ROBO3: variants seen among roughly 807,000 people sequenced by gnomAD.
The protein encoded by ROBO3 is roundabout homolog 3.
ROBO3 carries 97 observed loss-of-function variants against 160.5 expected under a neutral mutation model. The ratio of observed to expected loss-of-function variants is 0.60; its 90% CI spans 0.51 to 0.72. The LOEUF is 0.72. ROBO3 is among the 30% of genes least tolerant of loss of function. The pLI, the probability that ROBO3 is intolerant of heterozygous loss-of-function variation, is 0.00. For missense variants in ROBO3, 1,858 were observed against 1,846.5 expected (o/e 1.01, Z -0.11); for synonymous variants, 780 against 746.2 (o/e 1.05, Z -0.74).
intron 20 of ROBO3, 68 bp downstream of exon 20, chr11:124,877,726 G>A: frequency 6.4e-7 from 1 of 1,573,362 alleles, no homozygotes; most frequent in Non-Finnish European, 8.6e-7. Context: ...CAAACCGAAG[G>A]GCGCCCGGGA....
chr11:124,870,206 C>A lies in ROBO3; in HGVS notation c.808C>A (p.Leu270Met). ...GCGCAGACCAGTGAATCAGGTGGTC[C>A]TGGCTGATGCCCCTGTGACTTTCCT... ...FLRRPVNQVVLADAPVTFLCE... is the reference protein window; with the variant it reads ...FLRRPVNQVVMADAPVTFLCE... The change falls in exon 5 of 28, where the codon CTG becomes ATG. Residue 270 changes from leucine to methionine, a missense_variant. Coordinates refer to ENST00000397801, the MANE Select transcript of ROBO3 (RefSeq NM_022370.4). 1 of 1,614,058 alleles carries A rather than the reference C, an allele frequency of 6.2e-7. No homozygotes were observed. Among genetic ancestry groups the A allele is most frequent in the Non-Finnish European group, 8.5e-7 (1 of 1,179,902 alleles).
At position 124,881,267 on chromosome 11, in the gene ROBO3, G is replaced by C. The variant is rs779579137; in HGVS notation, c.*17G>C. The C allele has an allele frequency of 6.2e-7, 1 of 1,601,064 alleles. No individual in the cohort carries two copies. Among genetic ancestry groups the C allele is most frequent in the South Asian group, 1.1e-5 (1 of 88,236 alleles). Reference sequence around the variant, plus strand: ...CCAAGATGACCCTTGTTGGGGCATTGAGAATATCATGAGTGCCACGGGGAA... The same window carrying C: ...CCAAGATGACCCTTGTTGGGGCATTCAGAATATCATGAGTGCCACGGGGAA... On this transcript the variant is annotated 3_prime_UTR_variant, in exon 28 of 28. Transcript: ENST00000397801.
chr11:124,879,902 G>T lies in ROBO3; in HGVS notation c.3912G>T (p.Ala1304=). ...LERERSGERK[A]VQAVPLAAQR... is the part of the protein sequence containing the mutation. Reference sequence around the variant, plus strand: ...GGGAGCGCAGTGGGGAGAGGAAAGCGGTCCAGGCCGTGCCCCTGGCAGCCC... The same window carrying T: ...GGGAGCGCAGTGGGGAGAGGAAAGCTGTCCAGGCCGTGCCCCTGGCAGCCC... The change falls in exon 26 of 28, where the codon GCG becomes GCT. Residue 1304 remains alanine (A), a synonymous_variant. Coordinates refer to ENST00000397801, the MANE Select transcript of ROBO3 (RefSeq NM_022370.4). The T allele has an allele frequency of 1.9e-6, 3 of 1,607,494 alleles. No individual in the cohort carries two copies. Among genetic ancestry groups the T allele is most frequent in the Non-Finnish European group, 2.5e-6 (3 of 1,177,446 alleles).
Position 124,869,656 on chromosome 11 carries a change from G to T in ROBO3, c.645+49G>T. On this transcript the variant is annotated intron_variant, in intron 3 of 27. Transcript: ENST00000397801. This position sits in a 1 kb window ranked among gnomAD's most constrained non-coding sequence, Gnocchi z 4.2. Reference sequence around the variant, plus strand: ...GACCCCAACAAGGGAGGGGACATAGGGTAGGGAGGTGACAAGGCTGGAGAT... The same window carrying T: ...GACCCCAACAAGGGAGGGGACATAGTGTAGGGAGGTGACAAGGCTGGAGAT... 1.3e-6 allele frequency: 2 copies of T among 1,504,298 alleles called. No individual in the cohort carries two copies. Among genetic ancestry groups the T allele is most frequent in the South Asian group, 1.3e-5 (1 of 75,048 alleles). 93.2% of individuals were successfully genotyped at this position (1,504,298 alleles called of 1,614,324 possible). A position where few individuals can be genotyped will look rare whatever the true frequency, so the allele number is the denominator to read the frequency against.
chr11:124,872,581 C>T lies in ROBO3; in HGVS notation c.1330+29C>T, dbSNP rs148322323. The T allele has an allele frequency of 6.3e-7, 1 of 1,597,650 alleles. No individual in the cohort carries two copies. Among genetic ancestry groups the T allele is most frequent in the African/African-American group, 1.3e-5 (1 of 74,630 alleles). On this transcript the variant is annotated intron_variant, in intron 8 of 27. Transcript: ENST00000397801. This position sits in a 1 kb window ranked among gnomAD's most constrained non-coding sequence, Gnocchi z 4.3. ...CGTGCCCATGGAGATAGGACTGGAT[C>T]CATGGCTTGGGAGGAAATAATGGCC... is the stretch of plus-strand genomic sequence containing the variant.
In ROBO3 at chr11:124,877,616, T is replaced by C. The variant is rs1461316489; in HGVS notation, c.2944T>C (p.Cys982Arg). 1 of 1,610,382 alleles carries C rather than the reference T, an allele frequency of 6.2e-7. No individual in the cohort carries two copies. Residue 982 changes from cysteine to arginine, a missense_variant, in exon 20 of 28, where the codon TGC becomes CGC. Coordinates refer to ENST00000397801, the MANE Select transcript of ROBO3 (RefSeq NM_022370.4). The stretch of plus-strand genomic sequence containing the variant: ...CTCGGCCCAGGAACCCAGGGGAAGC[T>C]GCTGCCCTAGCAATCCTGACCCGGA... The part of the protein sequence containing the change: ...SPSAQEPRGS[C>R]CPSNPDPDDR...
intron 27 of ROBO3, 123 bp downstream of exon 27, chr11:124,880,731 A>G (rs2135351963): frequency 7.5e-7 from 1 of 1,327,910 alleles, no homozygotes; most frequent in Non-Finnish European, 1.0e-6. Context: ...GGGGATCGAG[A>G]GGGTGAGGGG....
rs761311616 is a variant in ROBO3, at chr11:124,878,448, C to T, written c.3320+12C>T. On this transcript the variant is annotated intron_variant, in intron 22 of 27. Coordinates refer to ENST00000397801, the MANE Select transcript of ROBO3 (RefSeq NM_022370.4). The surrounding 1 kb of genome is among the most constrained non-coding windows in gnomAD (Gnocchi z 4.3). ...GAGCTGGAGGGCAGGTAGAGATGCT[C>T]CCTGCTTCCAGGCCCACACACCTGC... is the stretch of plus-strand genomic sequence containing the variant. 8.1e-6 allele frequency: 13 copies of T among 1,610,916 alleles called. No homozygotes were observed. The Admixed American group carries it at 1.3e-4, about 17-fold the overall frequency.
At position 124,877,941 on chromosome 11, in the gene ROBO3, G is replaced by T. The variant is rs7933204; in HGVS notation, c.2991G>T (p.Ala997=). The T allele has an allele frequency of 1.3e-5, 20 of 1,597,168 alleles. No homozygotes were observed. Among genetic ancestry groups the T allele is most frequent in the Admixed American group, 1.7e-5 (1 of 58,196 alleles). Residue 997 remains alanine, a synonymous_variant, in exon 21 of 28, where the codon GCG becomes GCT. Coordinates refer to ENST00000397801, the MANE Select transcript of ROBO3 (RefSeq NM_022370.4). ...CTCCCTCTTTCTTCTCTGCAGAAGC[G>T]GGAATCTCCCTGTATCTAGCTCAGA... ...PDPDDRYYNE[A]GISLYLAQTA...
chr11:124,876,357 C>T lies in ROBO3; in HGVS notation c.2676C>T (p.Ala892=). The T allele has an allele frequency of 1.4e-6, 2 of 1,433,950 alleles. No homozygotes were observed. The highest frequency in any genetic ancestry group is 9.1e-7 in the Non-Finnish European group (1 of 1,102,316). 88.8% of individuals were successfully genotyped at this position (1,433,950 alleles called of 1,614,324 possible). The change falls in exon 17 of 28, where the codon GCC becomes GCT. Residue 892 remains alanine (A), a synonymous_variant. Coordinates refer to ENST00000397801, the MANE Select transcript of ROBO3 (RefSeq NM_022370.4). This position sits in a 1 kb window ranked among gnomAD's most constrained non-coding sequence, Gnocchi z 5.3. The part of the protein sequence containing the change: ...VRLARVLREP[A]FLAGSGAACG... ...TGGCGAGGGTGCTGCGGGAGCCCGC[C>T]TTCCTCGCGGGCAGCGGCGCAGCCT...
At chr11:124,874,408 C>A (rs1019198305) in intron 12 of ROBO3, among the ~76,000 whole-genome samples, 172 bp downstream of exon 12, 4 of 151,962 alleles carry the variant, frequency 2.6e-5, no homozygotes, top group South Asian at 2.1e-4. Flanking sequence ...ACAGAAGAGA[C>A]AAGGGAGGAG....
Position 124,869,544 on chromosome 11 carries a change from G to T in ROBO3, c.582G>T (p.Pro194=). 1 of 1,530,770 alleles carries T rather than the reference G, an allele frequency of 6.5e-7. No homozygotes were observed. Among genetic ancestry groups the T allele is most frequent in the Non-Finnish European group, 8.8e-7 (1 of 1,131,486 alleles). 94.8% of individuals were successfully genotyped at this position (1,530,770 alleles called of 1,614,324 possible). A position where few individuals can be genotyped will look rare whatever the true frequency, so the allele number is the denominator to read the frequency against. ...VLECVPPRGH[P]EPSVSWRKDG... ...AATGCGTGCCCCCCCGCGGCCACCC[G>T]GAGCCTTCCGTGTCCTGGAGGAAGG... Residue 194 remains proline, a synonymous_variant, in exon 3 of 28, where the codon CCG becomes CCT. Coordinates refer to ENST00000397801, the MANE Select transcript of ROBO3 (RefSeq NM_022370.4). This position sits in a 1 kb window ranked among gnomAD's most constrained non-coding sequence, Gnocchi z 4.2.
chr11:124,877,976 G>A lies in ROBO3; in HGVS notation c.3026G>A (p.Gly1009Asp), dbSNP rs751157442. The A allele has an allele frequency of 3.6e-5, 58 of 1,610,028 alleles. No individual in the cohort carries two copies. The highest frequency in any genetic ancestry group is 4.5e-5 in the Non-Finnish European group (53 of 1,178,286). The change falls in exon 21 of 28, where the codon GGC (glycine) becomes GAC (aspartate). Residue 1009 changes from glycine to aspartate, a missense_variant. Transcript: ENST00000397801. The stretch of plus-strand genomic sequence containing the variant: ...CTGTATCTAGCTCAGACGGCCAGGG[G>A]CACGGCCGCCCCTGGCGAGGGTCCT... ...ISLYLAQTAR[G>D]TAAPGEGPVY...
At position 124,869,524 on chromosome 11, in the gene ROBO3, G is replaced by A. The variant is rs757875264; in HGVS notation, c.562G>A (p.Val188Met). 2 of 1,559,794 alleles carry A rather than the reference G, an allele frequency of 1.3e-6. No individual in the cohort carries two copies. Among genetic ancestry groups the A allele is most frequent in the South Asian group, 1.2e-5 (1 of 84,538 alleles). ...AVGEPAVLEC[V>M]PPRGHPEPSV... Reference sequence around the variant, plus strand: ...GGGGGAGCCAGCAGTACTGGAATGCGTGCCCCCCCGCGGCCACCCGGAGCC... The same window carrying A: ...GGGGGAGCCAGCAGTACTGGAATGCATGCCCCCCCGCGGCCACCCGGAGCC... The change falls in exon 3 of 28, where the codon GTG becomes ATG. Residue 188 changes from valine to methionine, a missense_variant. Val to Met is a conservative substitution (Grantham distance 21, BLOSUM62 1). Transcript: ENST00000397801. This position sits in a 1 kb window ranked among gnomAD's most constrained non-coding sequence, Gnocchi z 4.2.
intron 1 of ROBO3, chr11:124,868,518 C>T (rs1946233259): frequency 1.7e-6 from 1 of 600,804 alleles, no homozygotes; most frequent in Non-Finnish European, 3.0e-6. Context: ...GGAGAGGAGA[C>T]GGAGGTCTCT....
rs1946445740 is a variant in ROBO3, at chr11:124,878,009, G to T, written c.3059G>T (p.Ser1020Ile). ...GCCCCTGGCGAGGGTCCTGTCTATA[G>T]CACCATTGACCCAGCGGGGGAGGAG... ...TAAPGEGPVYSTIDPAGEELQ... is the reference protein window; with the variant it reads ...TAAPGEGPVYITIDPAGEELQ... The change falls in exon 21 of 28, where the codon AGC becomes ATC. Residue 1020 changes from serine to isoleucine, a missense_variant. Physicochemically the swap from Ser to Ile is moderately radical, Grantham distance 142. Coordinates refer to ENST00000397801, the MANE Select transcript of ROBO3 (RefSeq NM_022370.4). This position sits in a 1 kb window ranked among gnomAD's most constrained non-coding sequence, Gnocchi z 4.3. 6.2e-7 allele frequency: 1 copy of T among 1,612,292 alleles called. No individual in the cohort carries two copies. Among genetic ancestry groups the T allele is most frequent in the Non-Finnish European group, 8.5e-7 (1 of 1,179,226 alleles).
In ROBO3 at chr11:124,875,564, C is replaced by T. The variant is rs199533976; in HGVS notation, c.2300C>T (p.Ala767Val). The change falls in exon 15 of 28, where the codon GCC becomes GTC. Residue 767 changes from alanine to valine, a missense_variant and splice_region_variant. By Grantham distance (64) the Ala-to-Val change is moderately conservative (BLOSUM62 0). Transcript: ENST00000397801. Reference protein sequence around the residue: ...LSVTRSIPEEAPSGPPQGVAV... With the variant: ...LSVTRSIPEEVPSGPPQGVAV... ...CTCACCATGCTCCACCCTGGCCCAG[C>T]CCCCAGTGGCCCCCCACAGGGAGTG... The T allele has an allele frequency of 1.5e-5, 24 of 1,611,288 alleles. No homozygotes were observed. The East Asian group carries it at 4.9e-4, about 33-fold the overall frequency.
Position 124,865,610 on chromosome 11 carries a change from G to C in ROBO3, c.33G>C (p.Gln11His), listed in dbSNP as rs771260176. The C allele has an allele frequency of 6.2e-6, 10 of 1,612,864 alleles. No individual in the cohort carries two copies. In the South Asian group the frequency reaches 1.1e-4, roughly 18 times the overall value. The change falls in exon 1 of 28, where the codon CAG (glutamine) becomes CAC (histidine). Residue 11 changes from glutamine to histidine, a missense_variant. Transcript: ENST00000397801. This position sits in a 1 kb window ranked among gnomAD's most constrained non-coding sequence, Gnocchi z 5.5. The stretch of plus-strand genomic sequence containing the variant: ...GCTACCTGCTGAAAACGCTGCTGCA[G>C]ATGAACTTGTTCGCGGACTCTCTGG... MLRYLLKTLL[Q>H]MNLFADSLAG... is the part of the protein sequence containing the mutation.
intron 12 of ROBO3, 65 bp from the exon 13 acceptor site, chr11:124,874,723 G>C: frequency 6.5e-7 from 1 of 1,531,790 alleles, no homozygotes; most frequent in Non-Finnish European, 8.8e-7. Context: ...TAGGACACGA[G>C]CACACTCTCA....
Sources: gnomAD v4.1 joint callset for allele counts (sites outside exome capture counted in the v4.1 genomes callset) on GRCh38, gnomAD v4.1.1 for gene constraint, Gnocchi (gnomAD v3.1) non-coding constraint, MANE v1.5 for transcripts, NCBI Gene and HGNC (gene_info 2026-07-23, HGNC 2026-07-21) for gene names.